MST1: variants seen among roughly 807,000 people sequenced by gnomAD.
MST1 encodes the protein macrophage stimulating 1, also known as hepatocyte growth factor-like protein.
Under a neutral mutation model 100.1 loss-of-function variants are expected in MST1, and 76 were observed. The ratio of observed to expected loss-of-function variants is 0.76; its 90% CI spans 0.63 to 0.92. MST1 has a LOEUF of 0.92. Ranked by LOEUF, MST1 falls within the 40% of genes least tolerant of loss-of-function variation. The probability of loss-of-function intolerance (pLI) is 0.00; values close to 1 mark genes in which losing one functional copy is unlikely to be tolerated. For missense variants in MST1, 850 were observed against 990.0 expected (o/e 0.86, Z 1.90); for synonymous variants, 352 against 385.4 (o/e 0.91, Z 1.01).
chr3:49,684,725 G>A lies in MST1; in HGVS notation c.1769+13C>T, dbSNP rs1419077954. 1 of 1,613,194 alleles carries A rather than the reference G, an allele frequency of 6.2e-7. No homozygotes were observed. Among genetic ancestry groups the A allele is most frequent in the South Asian group, 1.1e-5 (1 of 91,060 alleles). On this transcript the variant is annotated intron_variant, in intron 15 of 17. Coordinates refer to ENST00000449682, the MANE Select transcript of MST1 (RefSeq NM_020998.4). ...CCAGCCCCACCTCACACCCTCCCAG[G>A]TTGTCCACATACCTCTCCAGCTTGA... is the stretch of plus-strand genomic sequence containing the variant.
chr3:49,684,215 G>A, intron 17 of MST1, 26 bp from the exon 18 acceptor site: 1 of 1,609,672 alleles, frequency 6.2e-7, no homozygotes, highest in Non-Finnish European at 8.5e-7. Context: ...ACTGATGAGG[G>A]CCCCGGGCCA....
Position 49,685,097 on chromosome 3 carries a change from A to T in MST1, c.1545-8T>A. 6.2e-7 allele frequency: 1 copy of T among 1,609,866 alleles called. No homozygotes were observed. ...CAGAAATGCTGGCCCTGCCTAGAGG[A>T]GTGGGGAATTAGGACAGGTAACAGA... On this transcript the variant is annotated splice_polypyrimidine_tract_variant and splice_region_variant and intron_variant, in intron 13 of 17. Coordinates refer to ENST00000449682, the MANE Select transcript of MST1 (RefSeq NM_020998.4).
rs1559649393 is a variant in MST1 at position 49,685,506 on chromosome 3, G to C, written c.1388C>G (p.Ala463Gly). The C allele has an allele frequency of 6.2e-7, 1 of 1,613,548 alleles. No homozygotes were observed. Among genetic ancestry groups the C allele is most frequent in the East Asian group, 2.2e-5 (1 of 44,882 alleles). The stretch of plus-strand genomic sequence containing the variant: ...CAGGATTGATGGCGGCTGGTCATCA[G>C]CTGAAAGACAAAGTTCACTGGGGTT... ...PFDYCALRRC[A>G]DDQPPSILDP... The change falls in exon 12 of 18, where the codon GCT becomes GGT. Residue 463 changes from alanine (A) to glycine (G), a missense_variant and splice_region_variant. Ala to Gly is a moderately conservative substitution (Grantham distance 60, BLOSUM62 0). Transcript: ENST00000449682.
rs772458105 is a variant in MST1, at chr3:49,684,116, CGGTT to C, written c.2086_2089del (p.Asn696GlufsTer26). 1.9e-6 allele frequency: 3 copies of C among 1,613,530 alleles called. No homozygotes were observed. In the African/African-American group the frequency reaches 4.0e-5, roughly 22 times the overall value. On this transcript the variant is annotated frameshift_variant, in exon 18 of 18. Transcript: ENST00000449682. LOFTEE classifies it high-confidence loss of function. ...TGGCCAGCGGGACCTTGCGCATACTCGGTTGGGGATTATAATTCCTTCCAGGACC... is the reference window on the plus strand; with the variant it reads ...TGGCCAGCGGGACCTTGCGCATACTCGGGGATTATAATTCCTTCCAGGACC...
chr3:49,688,922 G>A lies in MST1; in HGVS notation c.-231C>T. On this transcript the variant is annotated 5_prime_UTR_variant, in exon 1 of 18. Coordinates refer to ENST00000449682, the MANE Select transcript of MST1 (RefSeq NM_020998.4). ...GGGGTTGGGGTGAAACCCCTCTGCA[G>A]CCTAGTCAGCCCAAGGGCATTGTGA... 1 of 420,580 alleles carries A rather than the reference G, an allele frequency of 2.4e-6. No homozygotes were observed. Among genetic ancestry groups the A allele is most frequent in the Non-Finnish European group, 4.4e-6 (1 of 228,864 alleles). The allele number at this position is 420,580 out of a possible 1,614,324, so 26.1% of individuals were successfully genotyped here. A position where few individuals can be genotyped will look rare whatever the true frequency, so the allele number is the denominator to read the frequency against.
rs759492366 is a variant in MST1 at position 49,687,837 on chromosome 3, A to G, written c.155T>C (p.Leu52Pro). 6.2e-7 allele frequency: 1 copy of G among 1,613,612 alleles called. No homozygotes were observed. The highest frequency in any genetic ancestry group is 1.1e-5 in the South Asian group (1 of 91,080). ...VLRGTELQHL[L>P]HAVVPGPWQE... ...CCAAGGCCCGGGCACCACCGCATGT[A>G]GCAGGTGCTGTAGCTCTGTGCCCCG... Residue 52 changes from leucine (L) to proline (P), a missense_variant, in exon 2 of 18, where the codon CTA (leucine) becomes CCA (proline). Physicochemically the swap from Leu to Pro is moderately conservative, Grantham distance 98. Around this residue, in one of 2 missense-constraint regions of MST1, gnomAD observed 34 missense variants for 65.5 expected, o/e 0.52. Coordinates refer to ENST00000449682, the MANE Select transcript of MST1 (RefSeq NM_020998.4).
At chr3:49,688,517 A>G (rs2053997034) in intron 1 of MST1, 81 bp downstream of exon 1, 1 of 1,523,332 alleles carries the variant, frequency 6.6e-7, no homozygotes, top group African/African-American at 1.4e-5. Flanking sequence ...TGGCTCCCCG[A>G]CTTTTTTCTC....
chr3:49,685,227 C>T, intron 13 of MST1, 35 bp downstream of exon 13: 9 of 1,611,698 alleles, frequency 5.6e-6, no homozygotes, highest in Non-Finnish European at 6.8e-6. Flanking sequence ...ACAACCTCAG[C>T]TCCTCTCTGT....
Position 49,683,948 on chromosome 3 carries a change from A to G in MST1, c.*80T>C. The G allele has an allele frequency of 7.7e-6, 12 of 1,555,420 alleles. No individual in the cohort carries two copies. The highest frequency in any genetic ancestry group is 1.0e-5 in the Non-Finnish European group (12 of 1,150,932). Reference sequence around the variant, plus strand: ...GAAGCAAAGGCTAAGAAGCATCTGTACAGGCATAAAGAGGAAACATGGCTT... The same window carrying G: ...GAAGCAAAGGCTAAGAAGCATCTGTGCAGGCATAAAGAGGAAACATGGCTT... On this transcript the variant is annotated 3_prime_UTR_variant, in exon 18 of 18. Transcript: ENST00000449682.
Position 49,685,327 on chromosome 3 carries a change from A to T in MST1, c.1479T>A (p.Arg493=). 1 of 1,613,368 alleles carries T rather than the reference A, an allele frequency of 6.2e-7. No homozygotes were observed. Among genetic ancestry groups the T allele is most frequent in the Non-Finnish European group, 8.5e-7 (1 of 1,179,856 alleles). Residue 493 remains arginine (R), a synonymous_variant, in exon 13 of 18, where the codon CGT becomes CGA. Transcript: ENST00000449682. ...GGCCCCCAACCACGCGCAGCTTGGA[A>T]CGCCGCTGATCCAGCCGATCCACCC... ...GKRVDRLDQR[R]SKLRVVGGHP...
rs778613231 is a variant in MST1 at position 49,685,812 on chromosome 3, C to T, written c.1250+48G>A. 9 of 1,612,502 alleles carry T rather than the reference C, an allele frequency of 5.6e-6. No individual in the cohort carries two copies. The East Asian group carries it at 8.9e-5, about 16-fold the overall frequency. On this transcript the variant is annotated intron_variant, in intron 10 of 17. Coordinates refer to ENST00000449682, the MANE Select transcript of MST1 (RefSeq NM_020998.4). ...TCTGGTCCCAGACACCAAAGCATGC[C>T]GCCCCAGGGTTAGGGCCCTGGCGGG...
rs1359047079 is a variant in MST1 at position 49,684,545 on chromosome 3, C to G, written c.1876+5G>C. 1.9e-6 allele frequency: 3 copies of G among 1,613,712 alleles called. No homozygotes were observed. The highest frequency in any genetic ancestry group is 1.3e-5 in the African/African-American group (1 of 75,058). ...CACCAGCAGTCCTGTGCACTGTGCT[C>G]TTACCTTTGGTCTCACCCCAGCCTG... On this transcript the variant is annotated splice_donor_5th_base_variant and intron_variant, in intron 16 of 17. Transcript: ENST00000449682.
Position 49,687,741 on chromosome 3 carries a change from G to A in MST1, c.242+9C>T. Reference sequence around the variant, plus strand: ...CCCCCAGTCTTATCTAGGCCCAGTGGCCACTCACCGGCAGTCCATTAAGGG... The same window carrying A: ...CCCCCAGTCTTATCTAGGCCCAGTGACCACTCACCGGCAGTCCATTAAGGG... On this transcript the variant is annotated intron_variant, in intron 2 of 17. Coordinates refer to ENST00000449682, the MANE Select transcript of MST1 (RefSeq NM_020998.4). 1 of 1,613,494 alleles carries A rather than the reference G, an allele frequency of 6.2e-7. No homozygotes were observed. The highest frequency in any genetic ancestry group is 1.1e-5 in the South Asian group (1 of 91,078).
chr3:49,685,343 C>T lies in MST1; in HGVS notation c.1463G>A (p.Arg488Gln), dbSNP rs201108954. ...CAGCTTGGAACGCCGCTGATCCAGC[C>T]GATCCACCCTCTTGCCACACTTCTC... ...QFEKCGKRVD[R>Q]LDQRRSKLRV... The change falls in exon 13 of 18, where the codon CGG (arginine) becomes CAG (glutamine). Residue 488 changes from arginine to glutamine, a missense_variant. Physicochemically the swap from Arg to Gln is conservative, Grantham distance 43 (BLOSUM62 1). Coordinates refer to ENST00000449682, the MANE Select transcript of MST1 (RefSeq NM_020998.4). The T allele has an allele frequency of 1.3e-5, 21 of 1,613,584 alleles. No homozygotes were observed. Among genetic ancestry groups the T allele is most frequent in the Middle Eastern group, 3.3e-4 (2 of 6,056 alleles).
Position 49,685,540 on chromosome 3 carries a change from C to T in MST1, c.1388-34G>A, listed in dbSNP as rs752936615. 3.1e-6 allele frequency: 5 copies of T among 1,613,360 alleles called. No homozygotes were observed. The South Asian group carries it at 5.5e-5, about 18-fold the overall frequency. ...CAAAGTTCACTGGGGTTAAGGGAGC[C>T]AGCCTTTGGGTGGGGGCTGAGGCAG... On this transcript the variant is annotated intron_variant, in intron 11 of 17. Transcript: ENST00000449682.
chr3:49,686,231 C>G, intron 8 of MST1, 39 bp from the exon 9 acceptor site: 1 of 1,610,684 alleles, frequency 6.2e-7, no homozygotes, highest in Non-Finnish European at 8.5e-7. Context: ...CCGCCAGCCT[C>G]CAGCCTTGAG....
At position 49,687,415 on chromosome 3, in the gene MST1, A is replaced by G; in HGVS notation, c.419T>C (p.Val140Ala). The G allele has an allele frequency of 6.2e-7, 1 of 1,613,402 alleles. No individual in the cohort carries two copies. Among genetic ancestry groups the G allele is most frequent in the Non-Finnish European group, 8.5e-7 (1 of 1,179,870 alleles). The change falls in exon 4 of 18, where the codon GTG becomes GCG. Residue 140 changes from valine (V) to alanine (A), a missense_variant. Around this residue, in one of 2 missense-constraint regions of MST1, gnomAD observed 816 missense variants for 924.6 expected, o/e 0.88. Coordinates refer to ENST00000449682, the MANE Select transcript of MST1 (RefSeq NM_020998.4). ...CCAAGCCTGGCAGGGCAGGCCACCC[A>G]CGGTCGTGGCCATGGTGCCCCGGTA... is the stretch of plus-strand genomic sequence containing the variant. ...VGYRGTMATT[V>A]GGLPCQAWSH...
rs1367933470 is a variant in MST1 at position 49,686,459 on chromosome 3, T to G, written c.870A>C (p.Gln290His). 6.2e-7 allele frequency: 1 copy of G among 1,612,550 alleles called. No homozygotes were observed. Among genetic ancestry groups the G allele is most frequent in the Non-Finnish European group, 8.5e-7 (1 of 1,179,824 alleles). ...PRCGSEAQPR[Q>H]EATTVSCFRG... ...GGAAGCAGCTGACAGTTGTGGCCTC[T>G]TGGCGGGGCTGTGCCTCGGACCCTT... The change falls in exon 8 of 18, where the codon CAA (glutamine) becomes CAC (histidine). Residue 290 changes from glutamine (Q) to histidine (H), a missense_variant. Gln to His is a conservative substitution (Grantham distance 24). Coordinates refer to ENST00000449682, the MANE Select transcript of MST1 (RefSeq NM_020998.4).
In MST1 at chr3:49,685,968, G is replaced by T; in HGVS notation, c.1148-6C>A. 6.2e-7 allele frequency: 1 copy of T among 1,605,810 alleles called. No individual in the cohort carries two copies. Reference sequence around the variant, plus strand: ...CCCTGCGCCGTGGTAGCAGTCTGTGGCGGGTGCGGGCAGCCATCAGGCCGA... The same window carrying T: ...CCCTGCGCCGTGGTAGCAGTCTGTGTCGGGTGCGGGCAGCCATCAGGCCGA... On this transcript the variant is annotated splice_polypyrimidine_tract_variant and splice_region_variant and intron_variant, in intron 9 of 17. Coordinates refer to ENST00000449682, the MANE Select transcript of MST1 (RefSeq NM_020998.4).
Sources: allele counts gnomAD v4.1 joint callset, GRCh38; gene constraint gnomAD v4.1.1; regional missense constraint gnomAD v4.1.1; transcripts MANE v1.5; gene names NCBI Gene and HGNC (gene_info 2026-07-23, HGNC 2026-07-21).